The following DARS1 variants were observed in gnomAD, a reference collection of about 807,000 sequenced individuals.
DARS1 encodes the protein aspartyl-tRNA synthetase 1.
A neutral mutation model predicts 68.8 loss-of-function variants in DARS1; 51 were observed. The observed-to-expected ratio is 0.74, with a 90% CI of 0.59 to 0.94. DARS1 has a LOEUF of 0.94. Among genes scored for constraint, DARS1 ranks in the 40% least tolerant of loss-of-function variants. The pLI, the probability that DARS1 is intolerant of heterozygous loss-of-function variation, is 0.00. For missense variants in DARS1, 607 were observed against 597.3 expected (o/e 1.02, Z -0.17); for synonymous variants, 203 against 190.4 (o/e 1.07, Z -0.55).
At position 135,958,610 on chromosome 2, in the gene DARS1, G is replaced by A. The variant is rs144557939; in HGVS notation, c.320+2786C>T. Among the ~76,000 whole-genome samples the A allele has an allele frequency of 1.5e-3, 232 of 152,216 alleles. 1 individual carries two copies. Among genetic ancestry groups the A allele is most frequent in the African/African-American group, 5.2e-3 (215 of 41,540 alleles). On this transcript the variant is annotated intron_variant, in intron 4 of 15. Coordinates refer to ENST00000264161, the MANE Select transcript of DARS1 (RefSeq NM_001349.4). ...AAAGGACAAACTGACTGACCCATCT[G>A]GAACATAAAATCATGTTCCTAAGAA... is the stretch of plus-strand genomic sequence containing the variant.
In DARS1 at chr2:135,983,401, T is replaced by C. The variant is rs1438491432; in HGVS notation, c.120A>G (p.Lys40=). ...TACTGTCACATAGCTACTAACCTGG[T>C]TTTTCTTGTGATTGTATCATTGAAG... ...GISSMIQSQE[K]PDRVLVRVRD... is the part of the protein sequence containing the mutation. The change falls in exon 2 of 16, where the codon AAA becomes AAG. Residue 40 remains lysine, a synonymous_variant. Transcript: ENST00000264161. 6 of 1,128,144 alleles carry C rather than the reference T, an allele frequency of 5.3e-6. No individual in the cohort carries two copies. The highest frequency in any genetic ancestry group is 6.7e-6 in the Non-Finnish European group (5 of 743,552). 69.9% of individuals were successfully genotyped at this position (1,128,144 alleles called of 1,614,324 possible). A position where few individuals can be genotyped will look rare whatever the true frequency, so the allele number is the denominator to read the frequency against.
intron 12 of DARS1, among the ~76,000 whole-genome samples, chr2:135,913,812 A>G (rs1680946603): frequency 6.6e-6 from 1 of 152,192 alleles, no homozygotes; most frequent in African/African-American, 2.4e-5. Flanking sequence ...ATTTTTGATA[A>G]AACTTGAGAT....
At chr2:135,914,398 C>A (rs1680960561) in intron 12 of DARS1, 71 bp downstream of exon 12, 3 of 857,824 alleles carry the variant, frequency 3.5e-6, no homozygotes, top group Non-Finnish European at 6.1e-6. Flanking sequence ...TCAGACCCCT[C>A]TGCAATTGTT....
intron 2 of DARS1, among the ~76,000 whole-genome samples, chr2:135,979,648 G>A (rs1682578806): frequency 6.6e-6 from 1 of 152,162 alleles, no homozygotes; most frequent in Non-Finnish European, 1.5e-5. Context: ...CTGAACTACA[G>A]CAATAGCTTC....
intron 7 of DARS1, among the ~76,000 whole-genome samples, chr2:135,925,936 C>T (rs1336056883): frequency 6.6e-6 from 1 of 152,142 alleles, no homozygotes; most frequent in African/African-American, 2.4e-5. Flanking sequence ...TGCCGCTTGC[C>T]TCTTAGCTAG....
At chr2:135,964,844 A>T in intron 3 of DARS1, among the ~76,000 whole-genome samples, 1 of 150,034 alleles carries the variant, frequency 6.7e-6, no homozygotes, top group Non-Finnish European at 1.5e-5. Flanking sequence ...CCACCTCAAA[A>T]AAAAAAAAAA....
rs898973180 is a variant in DARS1, at chr2:135,981,052, T to A, written c.125-1686A>T. Among the ~76,000 whole-genome samples the A allele has an allele frequency of 5.3e-5, 8 of 152,192 alleles. No individual in the cohort carries two copies. In the East Asian group the frequency reaches 1.5e-3, roughly 29 times the overall value. On this transcript the variant is annotated intron_variant, in intron 2 of 15. Transcript: ENST00000264161. ...CATCAGAGTGATTAATGCAGAGAAA[T>A]GGAAGCAGATGAGAAAGGAAACCAC... is the stretch of plus-strand genomic sequence containing the variant.
chr2:135,969,060 G>A (rs1682305491), intron 3 of DARS1, among the ~76,000 whole-genome samples: 1 of 152,000 alleles, frequency 6.6e-6, no homozygotes, highest in Admixed American at 6.6e-5. Context: ...GAATATATTT[G>A]AATACAACCT....
At chr2:135,948,173 T>C (rs1681768735) in intron 4 of DARS1, among the ~76,000 whole-genome samples, 1 of 152,250 alleles carries the variant, frequency 6.6e-6, no homozygotes, top group Non-Finnish European at 1.5e-5. Context: ...CTGTTTTTCC[T>C]CTAACAGATA....
chr2:135,978,775 C>T (rs1682556227), intron 3 of DARS1, among the ~76,000 whole-genome samples: 1 of 152,154 alleles, frequency 6.6e-6, no homozygotes, highest in African/African-American at 2.4e-5. Flanking sequence ...TGAAATACAG[C>T]TAGTGTGACG....
chr2:135,975,372 T>A (rs567230313), intron 3 of DARS1, among the ~76,000 whole-genome samples: 1 of 151,526 alleles, frequency 6.6e-6, no homozygotes, highest in Non-Finnish European at 1.5e-5. Context: ...AAAAAACCTA[T>A]ACGCACAGAC....
At chr2:135,928,566 TTG>T (rs1681274907) in intron 7 of DARS1, among the ~76,000 whole-genome samples, 1 of 151,928 alleles carries the variant, frequency 6.6e-6, no homozygotes, top group Non-Finnish European at 1.5e-5. Flanking sequence ...CAGGCTGGTC[TTG>T]AACTCCTGAC....
chr2:135,978,475 T>C (rs992950449), intron 3 of DARS1, among the ~76,000 whole-genome samples: 1 of 152,242 alleles, frequency 6.6e-6, no homozygotes, highest in Non-Finnish European at 1.5e-5. Context: ...ATAGGAATGC[T>C]TGTTCTGCCT....
At chr2:135,975,375 GCA>G (rs1333682982) in intron 3 of DARS1, among the ~76,000 whole-genome samples, 2 of 151,550 alleles carry the variant, frequency 1.3e-5, no homozygotes, top group Non-Finnish European at 2.9e-5. Flanking sequence ...AAACCTATAC[GCA>G]CAGACATGAA....
intron 4 of DARS1, among the ~76,000 whole-genome samples, chr2:135,959,090 C>G (rs575174837): frequency 1.3e-5 from 2 of 152,014 alleles, no homozygotes; most frequent in African/African-American, 2.4e-5. Context: ...CTTCCCTTGT[C>G]TAAAAGAAAG....
rs34744196 is a variant in DARS1, at chr2:135,932,844, TA to T, written c.505-3del. ...CTGGTTAACAGTAGCTCTTCCTTCC[TA>T]AAAAAAAAAAAAAAGAAAAGAAAAA... On this transcript the variant is annotated splice_region_variant and splice_polypyrimidine_tract_variant and intron_variant, in intron 6 of 15. Transcript: ENST00000264161. 376,292 of 930,798 alleles carry T rather than the reference TA, an allele frequency of 0.4. 55,969 individuals are homozygous for T. The highest frequency in any genetic ancestry group is 0.75 in the African/African-American group (41,410 of 55,500). The allele number at this position is 930,798 out of a possible 1,614,324, so 57.7% of individuals were successfully genotyped here.
At chr2:135,910,843 T>C in intron 15 of DARS1, 1 of 259,748 alleles carries the variant, frequency 3.8e-6, no homozygotes, top group East Asian at 9.1e-5. Context: ...AGCAGCTCTT[T>C]GAGCTATTTT....
chr2:135,922,593 T>TATA (rs1219668435), intron 9 of DARS1, among the ~76,000 whole-genome samples, 191 bp downstream of exon 9: 4 of 152,208 alleles, frequency 2.6e-5, no homozygotes, highest in Non-Finnish European at 5.9e-5. Context: ...ATATTATTAT[T>TATA]ACTATTACTT....
intron 4 of DARS1, among the ~76,000 whole-genome samples, chr2:135,945,951 T>G (rs921895792): frequency 2.0e-5 from 3 of 152,212 alleles, no homozygotes; most frequent in African/African-American, 7.2e-5. Context: ...AACTATTCCA[T>G]GATTTTGGAC....
Sources: allele counts gnomAD v4.1 joint callset (sites outside exome capture counted in the v4.1 genomes callset), GRCh38; gene constraint gnomAD v4.1.1; transcripts MANE v1.5; gene names NCBI Gene and HGNC (gene_info 2026-07-23, HGNC 2026-07-21).